Variants in UNC13C observed in about 807,000 individuals in gnomAD.
UNC13C encodes the protein unc-13 homolog C.
In UNC13C, 174 loss-of-function variants were observed where a neutral mutation model predicts 245.4. The observed-to-expected ratio is 0.71, with a 90% CI of 0.63 to 0.80. The LOEUF (loss-of-function observed/expected upper bound fraction) is 0.80, where lower values mean the gene tolerates loss of function less well. Among genes scored for constraint, UNC13C ranks in the 30% least tolerant of loss-of-function variants. The pLI is 0.00. For missense variants in UNC13C, 2,829 were observed against 2,602.9 expected, an observed-to-expected ratio of 1.09 and a Z score of -1.89; for synonymous variants, 992 against 895.1, an observed-to-expected ratio of 1.11 and a Z score of -1.93.
intron 2 of UNC13C, among the ~76,000 whole-genome samples, chr15:54,089,225 A>T (rs927836245): frequency 4.6e-5 from 7 of 152,184 alleles, no homozygotes; most frequent in African/African-American, 1.7e-4. Flanking sequence ...CTTGACTCTC[A>T]TGAAAACTAA....
At chr15:54,314,542 C>T (rs1427977024) in intron 13 of UNC13C, among the ~76,000 whole-genome samples, 2 of 151,470 alleles carry the variant, frequency 1.3e-5, no homozygotes, top group African/African-American at 2.4e-5. Flanking sequence ...TGCCTGAATT[C>T]CAGTCTTTGA....
At chr15:53,993,061 T>G (rs1894461772) in intron 1 of UNC13C, among the ~76,000 whole-genome samples, 1 of 152,126 alleles carries the variant, frequency 6.6e-6, no homozygotes, top group Non-Finnish European at 1.5e-5. Flanking sequence ...AGTCCTCATT[T>G]CTAGTCTAAC....
At chr15:54,365,427 A>G (rs924563082) in intron 17 of UNC13C, among the ~76,000 whole-genome samples, 8 of 152,054 alleles carry the variant, frequency 5.3e-5, no homozygotes, top group African/African-American at 1.9e-4. Flanking sequence ...AAAACTGTAC[A>G]TATTCAGTCT....
At chr15:53,967,074 T>C in the UNC13C span, among the ~76,000 whole-genome samples, 1 of 152,114 alleles carries the variant, frequency 6.6e-6, no homozygotes, top group Non-Finnish European at 1.5e-5. Context: ...CTCTAGTTTT[T>C]CCAATACGAA....
chr15:53,947,664 C>T, the UNC13C span: 4,075 of 152,200 alleles, frequency 0.027, 77 homozygotes, highest in East Asian at 0.07. Flanking sequence ...TGTGTCCGTT[C>T]GATCTTGTCA....
intron 14 of UNC13C, among the ~76,000 whole-genome samples, chr15:54,327,931 A>G (rs577850964): frequency 1.6e-4 from 24 of 152,120 alleles, no homozygotes; most frequent in African/African-American, 5.1e-4. Flanking sequence ...GCTTTAAAAA[A>G]TATTTCCATG....
the UNC13C span, among the ~76,000 whole-genome samples, chr15:53,900,110 A>T: frequency 1.3e-5 from 2 of 152,248 alleles, no homozygotes; most frequent in African/African-American, 4.8e-5. Flanking sequence ...CTCGATCTTC[A>T]ATCATATTAT....
chr15:54,388,634 C>T (rs995985999), intron 17 of UNC13C, among the ~76,000 whole-genome samples: 2 of 152,134 alleles, frequency 1.3e-5, no homozygotes, highest in African/African-American at 4.8e-5. Flanking sequence ...GCTAATTATT[C>T]CACATAGACT....
chr15:53,980,439 T>G (rs149995568), intron 1 of UNC13C, among the ~76,000 whole-genome samples: 2 of 152,202 alleles, frequency 1.3e-5, no homozygotes, highest in East Asian at 3.8e-4. Flanking sequence ...AAGCTTATGA[T>G]GTCTGTAGGT....
At chr15:54,253,428 TAGACACAGG>T (rs1342053826) in intron 8 of UNC13C, among the ~76,000 whole-genome samples, 1 of 152,130 alleles carries the variant, frequency 6.6e-6, no homozygotes, top group Non-Finnish European at 1.5e-5. Flanking sequence ...CCAAAACTCA[TAGACACAGG>T]GTGGTAAGAA....
At chr15:54,025,212 C>A (rs952369292) in intron 2 of UNC13C, among the ~76,000 whole-genome samples, 2 of 152,144 alleles carry the variant, frequency 1.3e-5, no homozygotes, top group African/African-American at 4.8e-5. Context: ...TCATTTTCTC[C>A]CTAACTCAAC....
At chr15:54,184,890 T>C (rs1243318283) in intron 4 of UNC13C, among the ~76,000 whole-genome samples, 1 of 152,164 alleles carries the variant, frequency 6.6e-6, no homozygotes, top group African/African-American at 2.4e-5. Context: ...ACCAATGGTG[T>C]AAAAGTGTTC....
chr15:54,364,725 G>C (rs972732561), intron 17 of UNC13C, among the ~76,000 whole-genome samples: 2 of 152,114 alleles, frequency 1.3e-5, no homozygotes, highest in African/African-American at 4.8e-5. Context: ...CTGTACTTAT[G>C]ATATTCCCAT....
At chr15:54,281,215 A>G (rs1045218746) in intron 10 of UNC13C, among the ~76,000 whole-genome samples, 3 of 152,188 alleles carry the variant, frequency 2.0e-5, no homozygotes, top group Non-Finnish European at 2.9e-5. Flanking sequence ...CAAAACTTTT[A>G]TATCCACAAT....
rs923876809 is a variant in UNC13C, at chr15:54,374,546, G to T, written c.4714-18502G>T. Reference sequence around the variant, plus strand: ...CAACTTTGCTTCAAAATTGGAGCAGGCACCAGGAGCAGGAAGAGGCCAGGC... The same window carrying T: ...CAACTTTGCTTCAAAATTGGAGCAGTCACCAGGAGCAGGAAGAGGCCAGGC... On this transcript the variant is annotated intron_variant, in intron 17 of 32. Coordinates refer to ENST00000260323, the MANE Select transcript of UNC13C (RefSeq NM_001080534.3). Among the ~76,000 whole-genome samples the T allele has an allele frequency of 3.9e-5, 6 of 152,298 alleles. No homozygotes were observed. In the South Asian group the frequency reaches 6.2e-4, roughly 16 times the overall value.
At chr15:54,513,570 A>T (rs1383966088) in intron 24 of UNC13C, among the ~76,000 whole-genome samples, 1 of 152,162 alleles carries the variant, frequency 6.6e-6, no homozygotes, top group Non-Finnish European at 1.5e-5. Context: ...TACAGGTTTC[A>T]CGCTATTCAT....
intron 19 of UNC13C, among the ~76,000 whole-genome samples, chr15:54,475,563 T>G (rs1368806918): frequency 6.6e-6 from 1 of 151,644 alleles, no homozygotes; most frequent in Non-Finnish European, 1.5e-5. Flanking sequence ...CAGTGTTTGG[T>G]TTTTTGTCCC....
intron 4 of UNC13C, among the ~76,000 whole-genome samples, chr15:54,223,519 A>G (rs1174281313): frequency 6.6e-6 from 1 of 151,840 alleles, no homozygotes; most frequent in Non-Finnish European, 1.5e-5. Flanking sequence ...TGGAAGTCAG[A>G]TAAGGTGATT....
chr15:53,877,250 G>T, the UNC13C span, among the ~76,000 whole-genome samples: 4 of 152,072 alleles, frequency 2.6e-5, no homozygotes, highest in Non-Finnish European at 5.9e-5. Flanking sequence ...GTTCCACAGG[G>T]GCTTGCAGCA....
Sources: gnomAD v4.1 joint callset for allele counts (sites outside exome capture counted in the v4.1 genomes callset) on GRCh38, gnomAD v4.1.1 for gene constraint, MANE v1.5 for transcripts, NCBI Gene and HGNC (gene_info 2026-07-23, HGNC 2026-07-21) for gene names.